The following KDSR variants were observed in gnomAD, a reference collection of about 807,000 sequenced individuals.
KDSR encodes 3-dehydrosphinganine reductase.
Under a neutral mutation model 41.3 loss-of-function variants are expected in KDSR, and 23 were observed. That is an observed-to-expected ratio of 0.56 (90% CI 0.40 to 0.79). The LOEUF is 0.79. KDSR is among the 30% of genes least tolerant of loss of function. The pLI, the probability that KDSR is intolerant of heterozygous loss-of-function variation, is 0.00. For synonymous variants in KDSR, 138 were observed against 151.7 expected, an observed-to-expected ratio of 0.91 and a Z score of 0.66; for missense variants, 351 against 416.8, an observed-to-expected ratio of 0.84 and a Z score of 1.37.
chr18:63,342,600 T>C (rs779483601), intron 7 of KDSR, among the ~76,000 whole-genome samples: 15 of 152,314 alleles, frequency 9.8e-5, no homozygotes, highest in Admixed American at 3.3e-4. Context: ...AATGTCACTA[T>C]AGAATGGTCC....
chr18:63,355,624 AT>A, intron 3 of KDSR, 61 bp from the exon 4 acceptor site: 5 of 1,478,846 alleles, frequency 3.4e-6, no homozygotes, highest in Non-Finnish European at 4.5e-6. Flanking sequence ...TCTTAAAGAT[AT>A]TTTTTAAAGA....
chr18:63,362,481 A>T lies in KDSR; in HGVS notation c.198+298T>A, dbSNP rs111300892. ...TGGCCAAGGGCCCTCCCTGGCTTCC[A>T]ATGGCCAGGTGTGCTCCTTCAACTA... On this transcript the variant is annotated intron_variant, in intron 2 of 9. Coordinates refer to ENST00000645214, the MANE Select transcript of KDSR (RefSeq NM_002035.4). 7.6e-3 allele frequency among the ~76,000 whole-genome samples: 1,157 copies of T among 152,256 alleles called. 18 individuals carry two copies. The highest frequency in any genetic ancestry group is 0.026 in the African/African-American group (1,085 of 41,552).
intron 7 of KDSR, among the ~76,000 whole-genome samples, chr18:63,342,235 A>T (rs1020765526): frequency 1.3e-5 from 2 of 152,156 alleles, no homozygotes; most frequent in Admixed American, 6.5e-5. Context: ...TTCTAAAACA[A>T]TATTACCTCT....
intron 5 of KDSR, among the ~76,000 whole-genome samples, chr18:63,353,635 G>C (rs1914719200): frequency 6.6e-6 from 1 of 152,118 alleles, no homozygotes; most frequent in African/African-American, 2.4e-5. Context: ...TCCATACAAA[G>C]GAATATCACC....
intron 7 of KDSR, among the ~76,000 whole-genome samples, chr18:63,339,951 G>T (rs1914297329): frequency 6.6e-6 from 1 of 152,186 alleles, no homozygotes; most frequent in Admixed American, 6.5e-5. Context: ...ATTTCATAAA[G>T]ATCAAGTATT....
chr18:63,331,974 A>G, intron 9 of KDSR, 73 bp from the exon 10 acceptor site: 1 of 1,489,904 alleles, frequency 6.7e-7, no homozygotes, highest in East Asian at 2.3e-5. Context: ...GGTCTCTAAC[A>G]AACAGTTTCT....
intron 3 of KDSR, 62 bp from the exon 4 acceptor site, chr18:63,355,625 T>C (rs543587745): frequency 6.1e-6 from 9 of 1,475,592 alleles, no homozygotes; most frequent in African/African-American, 5.7e-5. Context: ...CTTAAAGATA[T>C]TTTTTAAAGA....
intron 7 of KDSR, among the ~76,000 whole-genome samples, chr18:63,339,890 T>C (rs1480114997): frequency 6.6e-6 from 1 of 152,160 alleles, no homozygotes; most frequent in African/African-American, 2.4e-5. Flanking sequence ...CTTGAAGGAA[T>C]TAAAGAAAAT....
intron 8 of KDSR, among the ~76,000 whole-genome samples, chr18:63,338,581 G>C (rs898173112): frequency 2.0e-5 from 3 of 152,152 alleles, no homozygotes; most frequent in African/African-American, 7.2e-5. Context: ...CTGTTCCTCA[G>C]ATTAAGGTAT....
intron 7 of KDSR, among the ~76,000 whole-genome samples, chr18:63,342,889 A>T (rs913265702): frequency 1.3e-5 from 2 of 152,144 alleles, no homozygotes; most frequent in African/African-American, 4.8e-5. Flanking sequence ...GTGGGAGGTC[A>T]CTGGATCATG....
intron 6 of KDSR, chr18:63,345,165 A>G (rs1568278595): frequency 6.6e-6 from 1 of 152,456 alleles, no homozygotes; most frequent in Non-Finnish European, 1.5e-5. Context: ...AGACCAGCCA[A>G]GTACCTCCCC....
intron 6 of KDSR, among the ~76,000 whole-genome samples, chr18:63,350,047 A>C (rs1914618684): frequency 6.6e-6 from 1 of 152,202 alleles, no homozygotes; most frequent in Non-Finnish European, 1.5e-5. Flanking sequence ...TGGGCTCTTA[A>C]CATTTTAGGC....
Position 63,328,983 on chromosome 18 carries a change from T to A in KDSR, c.*2799A>T. 1 of 196,762 alleles carries A rather than the reference T, an allele frequency of 5.1e-6. No homozygotes were observed. Among genetic ancestry groups the A allele is most frequent in the Middle Eastern group, 1.7e-3 (1 of 578 alleles). 12.2% of individuals were successfully genotyped at this position (196,762 alleles called of 1,614,324 possible). On this transcript the variant is annotated 3_prime_UTR_variant, in exon 10 of 10. Transcript: ENST00000645214. The stretch of plus-strand genomic sequence containing the variant: ...TAGGTAATATTTACGCACTTCTGGG[T>A]CCAATAGAAGGTGTTGAATCAATGT...
intron 6 of KDSR, chr18:63,345,552 G>A (rs1411446060): frequency 6.6e-6 from 1 of 152,218 alleles, no homozygotes; most frequent in Non-Finnish European, 1.5e-5. Context: ...ATCTGGAAGT[G>A]GAGAGGCAGC....
rs1010296576 is a variant in KDSR at position 63,367,077 on chromosome 18, C to T, written c.42G>A (p.Leu14=). Residue 14 remains leucine (L), a synonymous_variant, in exon 1 of 10, where the codon CTG becomes CTA. Coordinates refer to ENST00000645214, the MANE Select transcript of KDSR (RefSeq NM_002035.4). ...LAAAFLVAFV[L]LLYMVSPLIS... is the part of the protein sequence containing the mutation. Reference sequence around the variant, plus strand: ...TGAGCGGAGACACCATGTACAGCAGCAGCACGAAGGCCACGAGGAAGGCGG... The same window carrying T: ...TGAGCGGAGACACCATGTACAGCAGTAGCACGAAGGCCACGAGGAAGGCGG... The T allele has an allele frequency of 1.0e-5, 14 of 1,336,408 alleles. No individual in the cohort carries two copies. Among genetic ancestry groups the T allele is most frequent in the Non-Finnish European group, 1.3e-5 (14 of 1,038,430 alleles). The allele number at this position is 1,336,408 out of a possible 1,614,324, so 82.8% of individuals were successfully genotyped here.
At chr18:63,336,320 G>A (rs1258282934) in intron 8 of KDSR, among the ~76,000 whole-genome samples, 2 of 152,142 alleles carry the variant, frequency 1.3e-5, no homozygotes, top group Non-Finnish European at 2.9e-5. Flanking sequence ...ATGAGCCACC[G>A]TGCCTGGCTG....
At chr18:63,352,993 C>T (rs968503251) in intron 5 of KDSR, among the ~76,000 whole-genome samples, 22 of 140,814 alleles carry the variant, frequency 1.6e-4, no homozygotes, top group Non-Finnish European at 2.4e-4. Context: ...ATGGTGAAAA[C>T]CCGACTCTAC....
chr18:63,359,506 G>T, intron 3 of KDSR: 2 of 399,988 alleles, frequency 5.0e-6, no homozygotes, highest in South Asian at 8.5e-5. Flanking sequence ...TTATTTGCCA[G>T]TAAAACATTC....
intron 8 of KDSR, among the ~76,000 whole-genome samples, chr18:63,337,670 C>T (rs1914217560): frequency 6.6e-6 from 1 of 152,180 alleles, no homozygotes. Flanking sequence ...CGCCTGTAAT[C>T]CCAGCACTTT....
Sources: gnomAD v4.1 joint callset for allele counts (sites outside exome capture counted in the v4.1 genomes callset) on GRCh38, gnomAD v4.1.1 for gene constraint, MANE v1.5 for transcripts, NCBI Gene and HGNC (gene_info 2026-07-23, HGNC 2026-07-21) for gene names.